SLC36A1: variants seen among roughly 807,000 people sequenced by gnomAD.
The protein encoded by SLC36A1 is proton-coupled amino acid transporter 1.
SLC36A1 carries 30 observed loss-of-function variants against 47.5 expected under a neutral mutation model. The observed-to-expected ratio is 0.63, with a 90% confidence interval of 0.47 to 0.86. The LOEUF (loss-of-function observed/expected upper bound fraction) is 0.86. Among genes scored for constraint, SLC36A1 ranks in the 40% least tolerant of loss-of-function variants. The pLI is 0.00. For synonymous variants in SLC36A1, 255 were observed against 249.7 expected, an observed-to-expected ratio of 1.02 and a Z score of -0.20; for missense variants, 517 against 606.0, an observed-to-expected ratio of 0.85 and a Z score of 1.54.
chr5:151,471,439 T>C (rs940267281), intron 7 of SLC36A1, among the ~76,000 whole-genome samples: 2 of 152,228 alleles, frequency 1.3e-5, no homozygotes, highest in African/African-American at 4.8e-5. Context: ...TCCCCACATA[T>C]GGATTGTGAA....
chr5:151,543,003 A>G, the SLC36A1 span: 4 of 1,614,208 alleles, frequency 2.5e-6, no homozygotes, highest in Non-Finnish European at 2.5e-6. Context: ...TCCCAATTTC[A>G]GACCCCTCTG....
In SLC36A1 at chr5:151,463,631, T is replaced by G. The variant is rs758468876; in HGVS notation, c.222T>G (p.Asn74Lys). The G allele has an allele frequency of 5.6e-6, 9 of 1,614,104 alleles. No homozygotes were observed. In the South Asian group the frequency reaches 9.9e-5, roughly 18 times the overall value. The change falls in exon 3 of 11, where the codon AAT becomes AAG. Residue 74 changes from asparagine (N) to lysine (K), a missense_variant. Coordinates refer to ENST00000243389, the MANE Select transcript of SLC36A1 (RefSeq NM_078483.4). ...GLLGLPLAVK[N>K]AGIVMGPISL... ...TGGGACTCCCTCTGGCGGTGAAAAA[T>G]GCAGGCATCGTGGTAAGGGTCTGCA...
At chr5:151,405,833 G>T in the SLC36A1 span, among the ~76,000 whole-genome samples, 2 of 152,176 alleles carry the variant, frequency 1.3e-5, no homozygotes, top group Non-Finnish European at 2.9e-5. Flanking sequence ...AGAGGGCCAA[G>T]ACTCTGTTTG....
chr5:151,427,706 C>A, the SLC36A1 span, among the ~76,000 whole-genome samples: 1 of 152,082 alleles, frequency 6.6e-6, no homozygotes, highest in African/African-American at 2.4e-5. Context: ...GAGACAGTGC[C>A]ATGCGTTCCA....
the SLC36A1 span, among the ~76,000 whole-genome samples, chr5:151,397,765 A>C: frequency 2.2e-5 from 1 of 45,668 alleles, no homozygotes. Context: ...ACTCCAACTC[A>C]AAAAAAAAAA....
At chr5:151,350,138 C>CACT in the SLC36A1 span, among the ~76,000 whole-genome samples, 2 of 151,784 alleles carry the variant, frequency 1.3e-5, no homozygotes, top group Non-Finnish European at 2.9e-5. Flanking sequence ...CCACCACCAC[C>CACT]CTCCCCCGGC....
the SLC36A1 span, among the ~76,000 whole-genome samples, chr5:151,392,531 G>A: frequency 1.3e-5 from 2 of 152,044 alleles, no homozygotes; most frequent in Non-Finnish European, 2.9e-5. Context: ...TTTCTTTTGT[G>A]GGCATTTAGT....
intron 6 of SLC36A1, 89 bp downstream of exon 6, chr5:151,467,372 C>A: frequency 1.1e-6 from 1 of 939,066 alleles, no homozygotes; most frequent in Non-Finnish European, 1.6e-6. Flanking sequence ...GGATTTTTTC[C>A]AAATCAGCTT....
the SLC36A1 span, among the ~76,000 whole-genome samples, chr5:151,420,882 T>C: frequency 2.0e-5 from 3 of 151,712 alleles, no homozygotes; most frequent in Non-Finnish European, 4.4e-5. Flanking sequence ...TTCTTTCTTT[T>C]TTTTTTTTGA....
the SLC36A1 span, chr5:151,529,135 CCA>C: frequency 6.4e-7 from 1 of 1,553,904 alleles, no homozygotes; most frequent in Non-Finnish European, 8.9e-7. Context: ...AGAACCCATC[CCA>C]GAGTTCTTGT....
chr5:151,553,023 A>G, the SLC36A1 span, among the ~76,000 whole-genome samples: 1 of 152,196 alleles, frequency 6.6e-6, no homozygotes, highest in Non-Finnish European at 1.5e-5. Flanking sequence ...CTCCCAGAGA[A>G]CCAGGGAAGA....
the SLC36A1 span, chr5:151,531,664 C>G: frequency 1.2e-6 from 2 of 1,613,610 alleles, no homozygotes; most frequent in East Asian, 4.5e-5. The surrounding 1 kb of genome is among the most constrained non-coding windows in gnomAD (Gnocchi z 5.7). Flanking sequence ...TGCGCCCGGG[C>G]GAGTGAGGGT....
the SLC36A1 span, among the ~76,000 whole-genome samples, chr5:151,549,061 T>C: frequency 6.6e-6 from 1 of 152,332 alleles, no homozygotes; most frequent in East Asian, 1.9e-4. Flanking sequence ...ATATAATATA[T>C]ATGCAAATTC....
intron 2 of SLC36A1, chr5:151,459,663 C>G (rs1001154102): frequency 6.6e-6 from 1 of 152,254 alleles, no homozygotes; most frequent in South Asian, 2.1e-4. Flanking sequence ...TTCTCTGTGT[C>G]CCAGCATCTC....
chr5:151,543,079 G>A, the SLC36A1 span: 1 of 1,614,142 alleles, frequency 6.2e-7, no homozygotes, highest in East Asian at 2.2e-5. Flanking sequence ...TACTTTTTTA[G>A]GAACCACCTG....
the SLC36A1 span, among the ~76,000 whole-genome samples, chr5:151,426,505 C>T: frequency 6.6e-6 from 1 of 152,120 alleles, no homozygotes; most frequent in Non-Finnish European, 1.5e-5. Context: ...TGACTTTACA[C>T]AAACATCTCA....
chr5:151,409,516 G>A, the SLC36A1 span, among the ~76,000 whole-genome samples: 2 of 152,136 alleles, frequency 1.3e-5, no homozygotes, highest in African/African-American at 2.4e-5. Context: ...TCACATGATT[G>A]AGGGCATGGA....
chr5:151,347,407 C>T, the SLC36A1 span: 58 of 1,614,224 alleles, frequency 3.6e-5, no homozygotes, highest in East Asian at 1.3e-3. Flanking sequence ...ACATAAGGTC[C>T]AATTTGATGG....
rs748691474 is a variant in SLC36A1, at chr5:151,487,394, G to A, written c.1160-589G>A. On this transcript the variant is annotated intron_variant, in intron 10 of 10. Transcript: ENST00000243389. ...AGATGTGAGAGCCAGTGGGTGTCCT[G>A]TCACAGAGATACGGTCGTCGTGTGG... 1.6e-4 allele frequency among the ~76,000 whole-genome samples: 24 copies of A among 151,182 alleles called. 1 individual carries two copies. The highest frequency in any genetic ancestry group is 2.9e-4 in the Non-Finnish European group (20 of 68,044).
Sources: gnomAD v4.1 joint callset for allele counts (sites outside exome capture counted in the v4.1 genomes callset) on GRCh38, gnomAD v4.1.1 for gene constraint, Gnocchi (gnomAD v3.1) non-coding constraint, MANE v1.5 for transcripts, NCBI Gene and HGNC (gene_info 2026-07-23, HGNC 2026-07-21) for gene names.